GSE1: variants seen among roughly 807,000 people sequenced by gnomAD.
The protein encoded by GSE1 is Gse1 coiled-coil protein.
A neutral mutation model predicts 112.6 loss-of-function variants in GSE1; 32 were observed. That is an observed-to-expected ratio of 0.28 (90% CI 0.21 to 0.38). The LOEUF (loss-of-function observed/expected upper bound fraction) is 0.38, where lower values mean the gene tolerates loss of function less well. Ranked by LOEUF, GSE1 falls within the 10% of genes least tolerant of loss-of-function variation. The probability of loss-of-function intolerance (pLI) is 1.00; values close to 1 mark genes in which losing one functional copy is unlikely to be tolerated. For missense variants in GSE1, 2,348 were observed against 1,699.2 expected (o/e 1.38, Z -6.71); for synonymous variants, 1,115 against 735.6 (o/e 1.52, Z -8.35).
intron 1 of GSE1, among the ~76,000 whole-genome samples, chr16:85,596,065 A>T (rs777905254): frequency 1.3e-5 from 2 of 150,664 alleles, no homozygotes; most frequent in African/African-American, 4.9e-5. Flanking sequence ...TCCACCCCTG[A>T]ACCCATCTGT....
intron 11 of GSE1, 83 bp downstream of exon 11, chr16:85,663,697 C>T: frequency 7.3e-7 from 1 of 1,371,852 alleles, no homozygotes; most frequent in East Asian, 2.3e-5. Flanking sequence ...CCGGTGGACT[C>T]CAGGCAGGAT....
At chr16:85,601,676 G>T (rs144932433) in intron 1 of GSE1, among the ~76,000 whole-genome samples, 1 of 152,208 alleles carries the variant, frequency 6.6e-6, no homozygotes, top group African/African-American at 2.4e-5. Context: ...TTTCCTTTTT[G>T]ATTATTTTAA....
chr16:85,341,321 C>T (rs2046619843), intron 1 of GSE1, among the ~76,000 whole-genome samples: 1 of 152,162 alleles, frequency 6.6e-6, no homozygotes, highest in Non-Finnish European at 1.5e-5. Context: ...TCCTAATCAG[C>T]TGGGATCACA....
intron 8 of GSE1, among the ~76,000 whole-genome samples, chr16:85,658,951 C>T (rs1440072064): frequency 1.3e-5 from 2 of 152,226 alleles, no homozygotes; most frequent in Non-Finnish European, 2.9e-5. Flanking sequence ...GGTGGTTCCC[C>T]TGTGGCCGGC....
At chr16:85,650,309 C>A (rs1206616142) in intron 3 of GSE1, among the ~76,000 whole-genome samples, 2 of 152,132 alleles carry the variant, frequency 1.3e-5, no homozygotes, top group Admixed American at 1.3e-4. Context: ...ACCCCATGGG[C>A]CCTGAATCAC....
At chr16:85,328,584 C>T (rs1020441693) in intron 1 of GSE1, among the ~76,000 whole-genome samples, 4 of 152,188 alleles carry the variant, frequency 2.6e-5, no homozygotes, top group African/African-American at 9.7e-5. Flanking sequence ...AGAGGCAGAG[C>T]CATTTATTTA....
intron 2 of GSE1, among the ~76,000 whole-genome samples, chr16:85,446,973 C>T (rs1193249694): frequency 3.9e-5 from 6 of 152,110 alleles, no homozygotes; most frequent in Non-Finnish European, 8.8e-5. Flanking sequence ...TTGGCTCGTC[C>T]GACCCCTCCA....
At chr16:85,662,655 G>T (rs1424785542) in intron 9 of GSE1, 1 of 310,278 alleles carries the variant, frequency 3.2e-6, no homozygotes, top group African/African-American at 2.2e-5. Context: ...TGCACAAGCA[G>T]CCCTGTGTTG....
intron 2 of GSE1, among the ~76,000 whole-genome samples, chr16:85,374,102 G>A (rs1047463065): frequency 1.3e-5 from 2 of 152,200 alleles, no homozygotes; most frequent in Admixed American, 6.5e-5. Context: ...GTGTGTGCAC[G>A]CGTGGCCCTC....
chr16:85,516,343 G>GGC (rs527347552), intron 2 of GSE1, among the ~76,000 whole-genome samples: 279 of 152,108 alleles, frequency 1.8e-3, no homozygotes, highest in Non-Finnish European at 3.3e-3. Flanking sequence ...AGTTCAAGGG[G>GGC]GCGGTGGGCG....
chr16:85,563,512 G>A (rs1347280030), intron 1 of GSE1, among the ~76,000 whole-genome samples: 2 of 152,146 alleles, frequency 1.3e-5, no homozygotes, highest in Admixed American at 6.5e-5. Flanking sequence ...GGGGGATTGC[G>A]GGAGTAGGGC....
rs564828661 is a variant in GSE1 at position 85,671,071 on chromosome 16, G to A, written c.3492G>A (p.Thr1164=). 1.2e-5 allele frequency: 20 copies of A among 1,608,672 alleles called. No individual in the cohort carries two copies. The highest frequency in any genetic ancestry group is 5.4e-5 in the African/African-American group (4 of 74,756). The stretch of plus-strand genomic sequence containing the variant: ...CCCGGCACTACAGCCTCAGCCTGAC[G>A]GCAGAGCAGCTCTCCCACAGCGTGG... ...LEARHYSLSL[T]AEQLSHSVAE... is the part of the protein sequence containing the mutation. Residue 1164 remains threonine (T), a synonymous_variant, in exon 15 of 16, where the codon ACG becomes ACA. Transcript: ENST00000253458.
At chr16:85,246,706 A>G (rs562931317) in intron 1 of GSE1, among the ~76,000 whole-genome samples, 1 of 151,982 alleles carries the variant, frequency 6.6e-6, no homozygotes, top group East Asian at 2.0e-4. Flanking sequence ...CCAGAACCCT[A>G]GTGGACTAGA....
chr16:85,462,619 T>A (rs1045308433), intron 2 of GSE1, among the ~76,000 whole-genome samples: 2 of 149,326 alleles, frequency 1.3e-5, no homozygotes, highest in African/African-American at 4.9e-5. Context: ...CTCAGCAGTC[T>A]TGACAAGCGC....
intron 1 of GSE1, among the ~76,000 whole-genome samples, chr16:85,341,126 C>T (rs983292300): frequency 6.6e-6 from 1 of 152,152 alleles, no homozygotes; most frequent in African/African-American, 2.4e-5. Context: ...TTCCTGACTG[C>T]TGAAAGTCAA....
chr16:85,515,092 A>T (rs1238888693), intron 2 of GSE1, among the ~76,000 whole-genome samples: 2 of 152,196 alleles, frequency 1.3e-5, no homozygotes, highest in African/African-American at 2.4e-5. Flanking sequence ...CACACGTGTC[A>T]GGGGTGCTCC....
intron 1 of GSE1, among the ~76,000 whole-genome samples, chr16:85,214,952 C>T (rs1002849918): frequency 2.0e-5 from 3 of 152,160 alleles, no homozygotes; most frequent in Non-Finnish European, 4.4e-5. Flanking sequence ...CCTCCTTGCC[C>T]GGTCTTGGCC....
At chr16:85,649,920 G>A (rs1192953430) in intron 3 of GSE1, among the ~76,000 whole-genome samples, 1 of 152,158 alleles carries the variant, frequency 6.6e-6, no homozygotes, top group Admixed American at 6.5e-5. Flanking sequence ...TCAGTCCACA[G>A]GTGACAGCCC....
upstream of GSE1, among the ~76,000 whole-genome samples, chr16:85,607,065 T>TG (rs555152871): frequency 0.071 from 579 of 8,106 alleles, 6 homozygotes; most frequent in African/African-American, 0.096. Flanking sequence ...GAGCCTGGGG[T>TG]GGGGGGGGCG....
Sources: allele counts gnomAD v4.1 joint callset (sites outside exome capture counted in the v4.1 genomes callset), GRCh38; gene constraint gnomAD v4.1.1; transcripts MANE v1.5; gene names NCBI Gene and HGNC (gene_info 2026-07-23, HGNC 2026-07-21).